Variants in PBRM1 observed in about 807,000 individuals in gnomAD.
PBRM1 encodes the protein polybromo 1, also known as protein polybromo-1.
Under a neutral mutation model 194.5 loss-of-function variants are expected in PBRM1, and 27 were observed. The ratio of observed to expected loss-of-function variants is 0.14; its 90% CI spans 0.10 to 0.19. The LOEUF is 0.19. Among genes scored for constraint, PBRM1 ranks in the 10% least tolerant of loss-of-function variants. The probability of loss-of-function intolerance (pLI) is 1.00; values close to 1 mark genes in which losing one functional copy is unlikely to be tolerated. For synonymous variants in PBRM1, 655 were observed against 693.2 expected, an observed-to-expected ratio of 0.94 and a Z score of 0.87; for missense variants, 1,466 against 2,077.2, an observed-to-expected ratio of 0.71 and a Z score of 5.72.
chr3:52,575,226 C>CCAAA (rs71084192), intron 22 of PBRM1, among the ~76,000 whole-genome samples: 48,498 of 150,990 alleles, frequency 0.32, 9,560 homozygotes, highest in Admixed American at 0.46. Context: ...TTAAAACAAA[C>CCAAA]CAAACAAACA....
At chr3:52,557,715 A>G (rs889444675) in intron 26 of PBRM1, among the ~76,000 whole-genome samples, 1 of 152,194 alleles carries the variant, frequency 6.6e-6, no homozygotes, top group African/African-American at 2.4e-5. Flanking sequence ...GGCACAATGA[A>G]TTGAATAAGG....
chr3:52,601,628 A>T (rs574206382), intron 17 of PBRM1, among the ~76,000 whole-genome samples: 1 of 152,084 alleles, frequency 6.6e-6, no homozygotes, highest in East Asian at 1.9e-4. Context: ...TGAGGTGCAT[A>T]AAGTACTGCT....
In PBRM1 at chr3:52,609,507, A is replaced by C; in HGVS notation, c.2373T>G (p.Ser791Arg). The change falls in exon 16 of 30, where the codon AGT (serine) becomes AGG (arginine). Residue 791 changes from serine (S) to arginine (R), a missense_variant. By Grantham distance (110) the Ser-to-Arg change is moderately radical. Transcript: ENST00000296302. The surrounding 1 kb of genome is among the most constrained non-coding windows in gnomAD (Gnocchi z 4.1). ...AGCATCTTCCCTCATCATCCTGATG[A>C]CTCATGACTGACACAAAAAGATTGT... is the stretch of plus-strand genomic sequence containing the variant. 1.9e-6 allele frequency: 3 copies of C among 1,613,922 alleles called. No individual in the cohort carries two copies. The highest frequency in any genetic ancestry group is 2.5e-6 in the Non-Finnish European group (3 of 1,179,850).
At chr3:52,658,201 C>T (rs768346787) in exon 5 of PBRM1, 4 of 1,496,440 alleles carry the variant, frequency 2.7e-6, no homozygotes, top group Admixed American at 3.3e-5. Context: ...TCACTTACCA[C>T]TTTAGAAGGC....
chr3:52,646,463 AT>A (rs1370506215), intron 7 of PBRM1, among the ~76,000 whole-genome samples: 1 of 152,178 alleles, frequency 6.6e-6, no homozygotes, highest in Non-Finnish European at 1.5e-5. Context: ...TGCTTTTTAT[AT>A]TTATGAAGTT....
chr3:52,644,626 G>A (rs1255901707), intron 8 of PBRM1, 78 bp downstream of exon 9: 24 of 598,766 alleles, frequency 4.0e-5, no homozygotes, highest in South Asian at 3.2e-4. Context: ...CTCGTGATCC[G>A]CCCACCTCAG....
intron 27 of PBRM1, chr3:52,551,927 G>A (rs1653433141): frequency 6.6e-6 from 1 of 152,170 alleles, no homozygotes; most frequent in African/African-American, 2.4e-5. Flanking sequence ...TAGTGTATGT[G>A]CTGCTGAAGC....
At chr3:52,634,644 T>A (rs2153644565) in exon 11 of PBRM1, 1 of 1,613,206 alleles carries the variant, frequency 6.2e-7, no homozygotes, top group South Asian at 1.1e-5. Context: ...TTGCTGGTAA[T>A]AATCAGGGTA....
chr3:52,676,091 G>C lies in PBRM1; in HGVS notation c.236+2409C>G, dbSNP rs1422785954. Among the ~76,000 whole-genome samples, 2 of 34,612 alleles carry C rather than the reference G, an allele frequency of 5.8e-5. 1 individual carries two copies. Among genetic ancestry groups the C allele is most frequent in the Non-Finnish European group, 1.0e-4 (2 of 19,980 alleles). The allele number at this position is 34,612 out of a possible 152,430, so 22.7% of individuals were successfully genotyped here. On this transcript the variant is annotated intron_variant, in intron 2 of 29. Coordinates refer to ENST00000296302, the Ensembl canonical transcript of PBRM1. The stretch of plus-strand genomic sequence containing the variant: ...GATCCCGCCACTGCACTCCAGCCTG[G>C]GCGACAGAGCGAGACTCCGTCTCAA...
intron 11 of PBRM1, among the ~76,000 whole-genome samples, chr3:52,633,112 C>A (rs1040015300): frequency 2.0e-5 from 3 of 152,132 alleles, no homozygotes; most frequent in Admixed American, 6.5e-5. Flanking sequence ...AAGACTGACA[C>A]TCTATACCCA....
chr3:52,632,852 C>T (rs74647658), intron 11 of PBRM1, among the ~76,000 whole-genome samples: 1,867 of 152,080 alleles, frequency 0.012, 50 homozygotes, highest in African/African-American at 0.043. Context: ...TGCCACTACG[C>T]CTGGCTAATT....
At chr3:52,631,225 C>T (rs2095607089) in intron 11 of PBRM1, among the ~76,000 whole-genome samples, 1 of 151,940 alleles carries the variant, frequency 6.6e-6, no homozygotes, top group Non-Finnish European at 1.5e-5. Flanking sequence ...AATCCCAGCA[C>T]TTTGGGAGGT....
intron 20 of PBRM1, among the ~76,000 whole-genome samples, chr3:52,580,963 AAAG>A (rs1438892055): frequency 1.3e-5 from 2 of 152,258 alleles, no homozygotes; most frequent in Non-Finnish European, 2.9e-5. Flanking sequence ...TAAAGATGGT[AAAG>A]AAGAACCATC....
chr3:52,648,421 G>T lies in PBRM1; in HGVS notation c.736C>A (p.His246Asn), dbSNP rs587778593. 1 of 1,602,112 alleles carries T rather than the reference G, an allele frequency of 6.2e-7. No homozygotes were observed. The highest frequency in any genetic ancestry group is 2.2e-5 in the East Asian group (1 of 44,638). Residue 246 changes from histidine (H) to asparagine (N), a missense_variant, in exon 7 of 30, where the codon CAT becomes AAT. His to Asn is a moderately conservative substitution (Grantham distance 68, BLOSUM62 1). Around this residue, in one of 5 missense-constraint regions of PBRM1, gnomAD observed 457 missense variants for 591.6 expected, o/e 0.77. Coordinates refer to ENST00000296302, the Ensembl canonical transcript of PBRM1. ...AGATCTATATCTTTGGCCATTGCAT[G>T]AATACTTTTGTAGCTTCCATTCTAC... is the stretch of plus-strand genomic sequence containing the variant.
intron 3 of PBRM1, 26 bp downstream of exon 4, chr3:52,668,472 T>A: frequency 6.5e-7 from 1 of 1,528,966 alleles, no homozygotes; most frequent in Non-Finnish European, 8.9e-7. Context: ...CCAATTGGTA[T>A]CTTTCCAAAT....
At chr3:52,666,818 G>A (rs1347006098) in intron 3 of PBRM1, among the ~76,000 whole-genome samples, 2 of 150,082 alleles carry the variant, frequency 1.3e-5, no homozygotes, top group Non-Finnish European at 3.0e-5. Context: ...CTTGAGCCCA[G>A]GAGACAAGGG....
At chr3:52,679,769 C>G (rs949614041), upstream of PBRM1, 74 of 1,526,706 alleles carry the variant, frequency 4.8e-5, no homozygotes, top group Non-Finnish European at 6.5e-5. Flanking sequence ...TAAATAGACT[C>G]TGTCACCAAG....
In PBRM1 at chr3:52,652,084, T is replaced by C. The variant is rs1577633464; in HGVS notation, c.646-274A>G. Among the ~76,000 whole-genome samples, 6 of 152,312 alleles carry C rather than the reference T, an allele frequency of 3.9e-5. 1 individual carries two copies. In the South Asian group the frequency reaches 1.2e-3, roughly 32 times the overall value. On this transcript the variant is annotated intron_variant, in intron 5 of 29. Transcript: ENST00000296302. ...GCAACTAGCATAAAATTTAATGTTTTAAAAAATTCTAGGCTGGGGCCGGGT... is the reference window on the plus strand; with the variant it reads ...GCAACTAGCATAAAATTTAATGTTTCAAAAAATTCTAGGCTGGGGCCGGGT...
At chr3:52,605,456 T>A (rs1322000444) in intron 16 of PBRM1, among the ~76,000 whole-genome samples, 2 of 152,160 alleles carry the variant, frequency 1.3e-5, no homozygotes, top group African/African-American at 4.8e-5. Context: ...CAGAGGAGTG[T>A]GGCCAAGTAG....
Sources: gnomAD v4.1 joint callset for allele counts (sites outside exome capture counted in the v4.1 genomes callset) on GRCh38, gnomAD v4.1.1 for gene constraint, gnomAD v4.1.1 regional missense constraint, Gnocchi (gnomAD v3.1) non-coding constraint, MANE v1.5 for transcripts, NCBI Gene and HGNC (gene_info 2026-07-23, HGNC 2026-07-21) for gene names.